The following MAP1S variants were observed in gnomAD, a reference collection of about 807,000 sequenced individuals.
The protein encoded by MAP1S is microtubule-associated protein 1S.
MAP1S carries 27 observed loss-of-function variants against 60.9 expected under a neutral mutation model. That is an observed-to-expected ratio of 0.44 (90% confidence interval 0.33 to 0.61). MAP1S has a LOEUF of 0.61. Among genes scored for constraint, MAP1S ranks in the 20% least tolerant of loss-of-function variants. The pLI is 0.03. For missense variants in MAP1S, 1,608 were observed against 1,486.6 expected, an observed-to-expected ratio of 1.08 and a Z score of -1.34; for synonymous variants, 826 against 694.2, an observed-to-expected ratio of 1.19 and a Z score of -2.98.
intron 6 of MAP1S, 69 bp downstream of exon 6, chr19:17,733,497 C>T: frequency 7.7e-7 from 1 of 1,299,524 alleles, no homozygotes; most frequent in Non-Finnish European, 1.0e-6. Flanking sequence ...ACCCTCGACC[C>T]TCAGAGACTA....
At position 17,727,158 on chromosome 19, in the gene MAP1S, AGCCCCCCCAGTGCAGCCTGCGGCTCTCCG is replaced by A; in HGVS notation, c.1778_1806del (p.Pro593LeufsTer40). On this transcript the variant is annotated frameshift_variant, in exon 5 of 7. Coordinates refer to ENST00000324096, the MANE Select transcript of MAP1S (RefSeq NM_018174.6). LOFTEE classifies it high-confidence loss of function. This position sits in a 1 kb window ranked among gnomAD's most constrained non-coding sequence, Gnocchi z 4.1. ...GCCCAGCCTCCGATGTGGAGAAGCC[AGCCCCCCCAGTGCAGCCTGCGGCTCTCCG>A]GCCTCCCAGCTGGTGGCCACGCCCA... 6.3e-7 allele frequency: 1 copy of A among 1,588,210 alleles called. No individual in the cohort carries two copies. The highest frequency in any genetic ancestry group is 8.5e-7 in the Non-Finnish European group (1 of 1,170,646).
In MAP1S at chr19:17,728,072, C is replaced by T. The variant is rs1280268921; in HGVS notation, c.2688C>T (p.Ser896=). The change falls in exon 5 of 7, where the codon AGC becomes AGT. Residue 896 remains serine, a synonymous_variant. Coordinates refer to ENST00000324096, the MANE Select transcript of MAP1S (RefSeq NM_018174.6). ...TKGLAGGDRA[S]RPLSARSEPS... is the part of the protein sequence containing the mutation. ...GGCTTGCTGGTGGGGACCGTGCCAG[C>T]CGACCACTCAGTGCCCGGAGTGAGC... is the stretch of plus-strand genomic sequence containing the variant. The T allele has an allele frequency of 6.2e-7, 1 of 1,612,634 alleles. No homozygotes were observed. The highest frequency in any genetic ancestry group is 1.3e-5 in the African/African-American group (1 of 75,034).
rs200192302 is a variant in MAP1S at position 17,725,002 on chromosome 19, A to ACGT, written c.304-45_304-43dup. On this transcript the variant is annotated intron_variant, in intron 3 of 6. Transcript: ENST00000324096. This position sits in a 1 kb window ranked among gnomAD's most constrained non-coding sequence, Gnocchi z 4.2. ...GCTACCCCAAAGAGGACTGCTGGAT[A>ACGT]CGTCACTGCACAGAACGGGTCCTTT... 30,667 of 1,613,274 alleles carry ACGT rather than the reference A, an allele frequency of 0.019. 373 individuals carry two copies. Among genetic ancestry groups the ACGT allele is most frequent in the Non-Finnish European group, 0.023 (27,157 of 1,179,288 alleles).
chr19:17,734,259 C>A lies in MAP1S; in HGVS notation c.3025-14C>A, dbSNP rs781444865. On this transcript the variant is annotated splice_polypyrimidine_tract_variant and intron_variant, in intron 6 of 6. Coordinates refer to ENST00000324096, the MANE Select transcript of MAP1S (RefSeq NM_018174.6). Reference sequence around the variant, plus strand: ...GTGGTCCACTCTCCCCACACACCCCCCCTCCACCTGCAGGTGACCCTGATC... The same window carrying A: ...GTGGTCCACTCTCCCCACACACCCCACCTCCACCTGCAGGTGACCCTGATC... 1.9e-6 allele frequency: 3 copies of A among 1,607,108 alleles called. No homozygotes were observed. The highest frequency in any genetic ancestry group is 2.6e-6 in the Non-Finnish European group (3 of 1,174,954).
At chr19:17,720,622 C>T in intron 1 of MAP1S, 1 of 997,488 alleles carries the variant, frequency 1.0e-6, no homozygotes, top group South Asian at 1.7e-5. Context: ...GACTTCCAGG[C>T]AGGGGAAACA....
chr19:17,725,981 G>A lies in MAP1S; in HGVS notation c.597G>A (p.Ala199=), dbSNP rs1461172919. The change falls in exon 5 of 7, where the codon GCG becomes GCA. Residue 199 remains alanine (A), a synonymous_variant. Coordinates refer to ENST00000324096, the MANE Select transcript of MAP1S (RefSeq NM_018174.6). The surrounding 1 kb of genome is among the most constrained non-coding windows in gnomAD (Gnocchi z 4.2). ...TCCAGCTGCGGCTGAACCCCCCGGC[G>A]CAGCTGCCCAACTCTGAGGGCCTGT... The part of the protein sequence containing the change: ...LRLQLRLNPP[A]QLPNSEGLCE... 9.9e-6 allele frequency: 16 copies of A among 1,612,210 alleles called. No homozygotes were observed. Among genetic ancestry groups the A allele is most frequent in the Middle Eastern group, 1.7e-4 (1 of 6,054 alleles).
rs2080458726 is a variant in MAP1S at position 17,728,023 on chromosome 19, C to G, written c.2639C>G (p.Pro880Arg). Residue 880 changes from proline to arginine, a missense_variant, in exon 5 of 7, where the codon CCA becomes CGA. This residue lies in a region of MAP1S where 1,167 missense variants were observed against 961.4 expected (regional missense o/e 1.21). Transcript: ENST00000324096. ...NSRAAAPKAT[P>R]VAAAKTKGLA... The stretch of plus-strand genomic sequence containing the variant: ...CGCGCTGCCGCCCCCAAAGCCACTC[C>G]AGTGGCTGCTGCCAAAACCAAGGGG... The G allele has an allele frequency of 4.3e-6, 7 of 1,611,186 alleles. No individual in the cohort carries two copies. In the South Asian group the frequency reaches 6.6e-5, roughly 15 times the overall value.
chr19:17,733,728 G>A (rs146886779), intron 6 of MAP1S, among the ~76,000 whole-genome samples: 2 of 152,316 alleles, frequency 1.3e-5, no homozygotes, highest in Non-Finnish European at 2.9e-5. Flanking sequence ...AGAATTAGTC[G>A]GGATGGAATA....
At chr19:17,728,359 C>T (rs10422220) in intron 5 of MAP1S, among the ~76,000 whole-genome samples, 187 bp downstream of exon 5, 5,688 of 152,282 alleles carry the variant, frequency 0.037, 365 homozygotes, top group African/African-American at 0.13. Flanking sequence ...AAGCCACCCT[C>T]CCACCTCAGC....
At position 17,727,862 on chromosome 19, in the gene MAP1S, C is replaced by G. The variant is rs761647735; in HGVS notation, c.2478C>G (p.Asp826Glu). The G allele has an allele frequency of 5.0e-6, 8 of 1,613,216 alleles. 1 individual carries two copies. In the South Asian group the frequency reaches 8.8e-5, roughly 18 times the overall value. ...FGVPRHDPLPDPLKVPPPLPD... is the reference protein window; with the variant it reads ...FGVPRHDPLPEPLKVPPPLPD... ...TCCCTCGCCACGACCCTTTGCCTGA[C>G]CCCCTCAAGGTCCCCCCACCACTGC... Residue 826 changes from aspartate to glutamate, a missense_variant, in exon 5 of 7, where the codon GAC becomes GAG. By Grantham distance (45) the Asp-to-Glu change is conservative. This residue lies in a region of MAP1S where 1,167 missense variants were observed against 961.4 expected (regional missense o/e 1.21). Transcript: ENST00000324096. The surrounding 1 kb of genome is among the most constrained non-coding windows in gnomAD (Gnocchi z 4.1).
rs572764664 is a variant in MAP1S, at chr19:17,721,550, T to C, written c.220+513T>C. ...AAATAACGGCATGGTGGCAGGCGCC[T>C]CTAATCCCAGCTACTCGGGAGGCTG... On this transcript the variant is annotated intron_variant, in intron 2 of 6. Transcript: ENST00000324096. 8.6e-4 allele frequency: 173 copies of C among 200,138 alleles called. 1 individual carries two copies. Among genetic ancestry groups the C allele is most frequent in the Non-Finnish European group, 1.6e-3 (149 of 96,016 alleles). 12.4% of individuals were successfully genotyped at this position (200,138 alleles called of 1,614,324 possible).
chr19:17,726,009 GA>G lies in MAP1S; in HGVS notation c.627del (p.Glu209AspfsTer82). On this transcript the variant is annotated frameshift_variant, in exon 5 of 7. Coordinates refer to ENST00000324096, the MANE Select transcript of MAP1S (RefSeq NM_018174.6). LOFTEE classifies it high-confidence loss of function. The part of the protein sequence containing the change: ...AQLPNSEGLC[E>X]FLEYVAESLE... ...GCTGCCCAACTCTGAGGGCCTGTGC[GA>G]ATTCCTGGAGTACGTGGCTGAGTCT... The G allele has an allele frequency of 6.2e-7, 1 of 1,612,468 alleles. No individual in the cohort carries two copies. Among genetic ancestry groups the G allele is most frequent in the Non-Finnish European group, 8.5e-7 (1 of 1,179,392 alleles).
rs2080366206 is a variant in MAP1S, at chr19:17,721,017, C to A, written c.200C>A (p.Thr67Asn). 6.2e-7 allele frequency: 1 copy of A among 1,614,026 alleles called. No individual in the cohort carries two copies. Among genetic ancestry groups the A allele is most frequent in the Non-Finnish European group, 8.5e-7 (1 of 1,180,014 alleles). Residue 67 changes from threonine (T) to asparagine (N), a missense_variant, in exon 2 of 7, where the codon ACC (threonine) becomes AAC (asparagine). Transcript: ENST00000324096. The part of the protein sequence containing the change: ...LKVFVSRHSA[T>N]FSSIVKGQRS... ...GTCTTTGTGTCCCGACACTCTGCCA[C>A]CTTCTCCAGCATTGTGAAAGGTGAG...
intron 2 of MAP1S, among the ~76,000 whole-genome samples, chr19:17,723,664 C>A (rs1240538503): frequency 2.6e-5 from 4 of 152,166 alleles, no homozygotes; most frequent in African/African-American, 7.2e-5. Context: ...TCCTGGCTTA[C>A]ACGGTGAAAC....
intron 5 of MAP1S, 142 bp downstream of exon 5, chr19:17,728,314 G>A: frequency 1.0e-6 from 1 of 955,630 alleles, no homozygotes; most frequent in Non-Finnish European, 1.5e-6. Flanking sequence ...CAGTGGTGTG[G>A]TCACAGCTCA....
At chr19:17,720,826 T>G in intron 1 of MAP1S, 110 bp from the exon 2 acceptor site, 1 of 829,552 alleles carries the variant, frequency 1.2e-6, no homozygotes, top group Non-Finnish European at 2.1e-6. Flanking sequence ...AAGCTGTGAG[T>G]GAAGGGAGGA....
Position 17,727,953 on chromosome 19 carries a change from G to A in MAP1S, c.2569G>A (p.Glu857Lys), listed in dbSNP as rs1298450506. The change falls in exon 5 of 7, where the codon GAG becomes AAG. Residue 857 changes from glutamate to lysine, a missense_variant. Physicochemically the swap from Glu to Lys is moderately conservative, Grantham distance 56 (BLOSUM62 1). Transcript: ENST00000324096. This position sits in a 1 kb window ranked among gnomAD's most constrained non-coding sequence, Gnocchi z 4.1. ...MLPPKTARQTENVSRTRKPLA... is the reference protein window; with the variant it reads ...MLPPKTARQTKNVSRTRKPLA... Reference sequence around the variant, plus strand: ...GCCCCCCAAGACAGCACGGCAAACGGAGAACGTCAGCCGCACCCGGAAGCC... The same window carrying A: ...GCCCCCCAAGACAGCACGGCAAACGAAGAACGTCAGCCGCACCCGGAAGCC... 1 of 1,607,748 alleles carries A rather than the reference G, an allele frequency of 6.2e-7. No homozygotes were observed. Among genetic ancestry groups the A allele is most frequent in the Middle Eastern group, 1.7e-4 (1 of 6,036 alleles).
intron 2 of MAP1S, chr19:17,721,242 G>A: frequency 1.7e-6 from 1 of 583,870 alleles, no homozygotes; most frequent in East Asian, 3.1e-5. Context: ...TTTTGTCCCT[G>A]ATTGACAGAT....
At chr19:17,720,356 T>A (rs1299605064) in intron 1 of MAP1S, 1 of 1,528,430 alleles carries the variant, frequency 6.5e-7, no homozygotes, top group African/African-American at 1.4e-5. Context: ...GAGCACCTGC[T>A]ATGCGCCAGG....
Sources: allele counts gnomAD v4.1 joint callset (sites outside exome capture counted in the v4.1 genomes callset), GRCh38; gene constraint gnomAD v4.1.1; regional missense constraint gnomAD v4.1.1; non-coding constraint Gnocchi (gnomAD v3.1); transcripts MANE v1.5; gene names NCBI Gene and HGNC (gene_info 2026-07-23, HGNC 2026-07-21).